Variants in ORC4 observed in about 807,000 individuals in gnomAD.
ORC4 encodes origin recognition complex subunit 4.
In ORC4, 55 loss-of-function variants were observed where a neutral mutation model predicts 63.9. The observed-to-expected ratio is 0.86, with a 90% CI of 0.69 to 1.08. The LOEUF (loss-of-function observed/expected upper bound fraction) is 1.08, where lower values mean the gene tolerates loss of function less well. Among genes scored for constraint, ORC4 ranks in the 50% least tolerant of loss-of-function variants. The probability of loss-of-function intolerance (pLI) is 0.00; values close to 1 mark genes in which losing one functional copy is unlikely to be tolerated. For synonymous variants in ORC4, 150 were observed against 168.5 expected, an observed-to-expected ratio of 0.89 and a Z score of 0.85; for missense variants, 511 against 504.4, an observed-to-expected ratio of 1.01 and a Z score of -0.13.
intron 7 of ORC4, among the ~76,000 whole-genome samples, chr2:147,953,831 T>G (rs1048776081): frequency 6.6e-6 from 1 of 152,130 alleles, no homozygotes; most frequent in Admixed American, 6.5e-5. Context: ...AAAGAAAGAC[T>G]TATTTCAACA....
chr2:147,975,942 G>A lies in ORC4; in HGVS notation c.17C>T (p.Ser6Leu). 1 of 1,589,304 alleles carries A rather than the reference G, an allele frequency of 6.3e-7. No individual in the cohort carries two copies. Among genetic ancestry groups the A allele is most frequent in the Non-Finnish European group, 8.6e-7 (1 of 1,158,708 alleles). The stretch of plus-strand genomic sequence containing the variant: ...TGTGTGAATTAAGCTGTTACTCTTT[G>A]ATTTACGACTGCTCATTTCAACAAA... Reference protein sequence around the residue: MSSRKSKSNSLIHTEC... With the variant: MSSRKLKSNSLIHTEC... The change falls in exon 2 of 14, where the codon TCA (serine) becomes TTA (leucine). Residue 6 changes from serine (S) to leucine (L), a missense_variant. Transcript: ENST00000392857.
intron 4 of ORC4, among the ~76,000 whole-genome samples, chr2:147,968,271 A>T (rs1487519109): frequency 6.6e-6 from 1 of 152,076 alleles, no homozygotes; most frequent in Non-Finnish European, 1.5e-5. Context: ...AATCACAGAC[A>T]ACATAAAAAA....
chr2:147,956,111 T>C (rs1319004087), intron 6 of ORC4, among the ~76,000 whole-genome samples: 2 of 152,088 alleles, frequency 1.3e-5, no homozygotes, highest in Non-Finnish European at 2.9e-5. Context: ...TATTAACTTT[T>C]ACTTCATTCA....
intron 13 of ORC4, among the ~76,000 whole-genome samples, 185 bp from the exon 14 acceptor site, chr2:147,935,883 A>G (rs994347494): frequency 1.3e-5 from 2 of 152,154 alleles, no homozygotes; most frequent in African/African-American, 4.8e-5. Flanking sequence ...ATTATCAGGT[A>G]AAACAGTGTC....
At chr2:147,947,852 T>G (rs1362976351) in intron 9 of ORC4, 199 bp downstream of exon 9, 4 of 480,040 alleles carry the variant, frequency 8.3e-6, no homozygotes, top group East Asian at 3.6e-5. Flanking sequence ...GATGTTCTTT[T>G]GAGATAGAAT....
intron 1 of ORC4, among the ~76,000 whole-genome samples, chr2:148,001,236 C>T (rs973679823): frequency 1.3e-5 from 2 of 152,034 alleles, no homozygotes; most frequent in Non-Finnish European, 2.9e-5. Context: ...TATGGAGAAG[C>T]AGTTAAAAAC....
intron 1 of ORC4, among the ~76,000 whole-genome samples, chr2:147,976,866 T>C (rs1011218911): frequency 5.9e-5 from 9 of 152,014 alleles, no homozygotes; most frequent in African/African-American, 2.2e-4. Context: ...AATGAATAAC[T>C]GGAATGAAAA....
In ORC4 at chr2:147,935,526, G is replaced by A. The variant is rs1688000424; in HGVS notation, c.1295C>T (p.Ser432Leu). 1.2e-6 allele frequency: 2 copies of A among 1,613,308 alleles called. No homozygotes were observed. Among genetic ancestry groups the A allele is most frequent in the East Asian group, 4.5e-5 (2 of 44,830 alleles). Residue 432 changes from serine to leucine, a missense_variant, in exon 14 of 14, where the codon TCA (serine) becomes TTA (leucine). Ser to Leu is a moderately radical substitution (Grantham distance 145). Transcript: ENST00000392857. ...PTDVRQWATSSLSWL is the reference protein window; with the variant it reads ...PTDVRQWATSLLSWL Reference sequence around the variant, plus strand: ...TGGTTATATTCATAACCAGCTTAGTGAGGATGTTGCCCACTGCCTCACATC... The same window carrying A: ...TGGTTATATTCATAACCAGCTTAGTAAGGATGTTGCCCACTGCCTCACATC...
intron 11 of ORC4, chr2:147,938,637 A>G: frequency 2.2e-6 from 1 of 457,208 alleles, no homozygotes; most frequent in South Asian, 2.4e-5. Context: ...TGTCACAAAG[A>G]TTGGCGAAAT....
intron 4 of ORC4, among the ~76,000 whole-genome samples, chr2:147,964,545 C>G (rs1247175720): frequency 6.6e-6 from 1 of 152,128 alleles, no homozygotes; most frequent in Non-Finnish European, 1.5e-5. Context: ...TAGTTGAAAA[C>G]TTCCCAGTTC....
At chr2:148,002,536 C>A (rs1692379766) in intron 1 of ORC4, among the ~76,000 whole-genome samples, 1 of 152,076 alleles carries the variant, frequency 6.6e-6, no homozygotes, top group African/African-American at 2.4e-5. Context: ...AAAATTAAGG[C>A]AGAAATAAAT....
At position 147,934,782 on chromosome 2, in the gene ORC4, T is replaced by C. The variant is rs1029404773; in HGVS notation, c.*728A>G. 1 of 152,176 alleles carries C rather than the reference T, an allele frequency of 6.6e-6. No homozygotes were observed. The highest frequency in any genetic ancestry group is 1.5e-5 in the Non-Finnish European group (1 of 68,016). 9.4% of individuals were successfully genotyped at this position (152,176 alleles called of 1,614,324 possible). The stretch of plus-strand genomic sequence containing the variant: ...ACAGTAAAAATATGGTATAATCTTA[T>C]GAGACCACCCTTTATACAATGTCAT... On this transcript the variant is annotated 3_prime_UTR_variant, in exon 14 of 14. Coordinates refer to ENST00000392857, the MANE Select transcript of ORC4 (RefSeq NM_181741.4).
At chr2:147,993,089 C>T (rs928951738) in intron 1 of ORC4, among the ~76,000 whole-genome samples, 1 of 152,148 alleles carries the variant, frequency 6.6e-6, no homozygotes, top group African/African-American at 2.4e-5. Context: ...CTGGGTTTCC[C>T]CACTCAGTAT....
In ORC4 at chr2:147,958,733, A is replaced by G. The variant is rs1689406938; in HGVS notation, c.301+58T>C. 9.4e-6 allele frequency: 8 copies of G among 851,884 alleles called. No individual in the cohort carries two copies. The East Asian group carries it at 2.0e-4, about 21-fold the overall frequency. 52.8% of individuals were successfully genotyped at this position (851,884 alleles called of 1,614,324 possible). A position where few individuals can be genotyped will look rare whatever the true frequency, so the allele number is the denominator to read the frequency against. The stretch of plus-strand genomic sequence containing the variant: ...AAAATGGATTTGAAATATACAAGTC[A>G]TATAAAAACCCCACAAAGTTTACAT... On this transcript the variant is annotated intron_variant, in intron 5 of 13. Transcript: ENST00000392857.
chr2:148,013,861 G>A (rs1483941673), intron 1 of ORC4, among the ~76,000 whole-genome samples: 2 of 152,026 alleles, frequency 1.3e-5, no homozygotes, highest in African/African-American at 2.4e-5. Flanking sequence ...TTCTGCTGAC[G>A]CCAACAAAAA....
chr2:147,947,471 A>C (rs1688723945), intron 9 of ORC4, among the ~76,000 whole-genome samples: 1 of 152,096 alleles, frequency 6.6e-6, no homozygotes, highest in African/African-American at 2.4e-5. Context: ...TATAGTCTCA[A>C]AGGTGTGGCA....
At chr2:147,970,024 C>A (rs1208162373) in intron 4 of ORC4, among the ~76,000 whole-genome samples, 1 of 151,918 alleles carries the variant, frequency 6.6e-6, no homozygotes, top group Non-Finnish European at 1.5e-5. Flanking sequence ...TTGCAGAATA[C>A]AAGCAAATAT....
rs181521139 is a variant in ORC4, at chr2:148,017,475, C to G, written c.-18+3158G>C. On this transcript the variant is annotated intron_variant, in intron 1 of 13. Transcript: ENST00000392857. ...TCACTTGAGGTCAGGAGTTTGAGACCAGCCTAGCCAAAATGGTGAAACTTT... is the reference window on the plus strand; with the variant it reads ...TCACTTGAGGTCAGGAGTTTGAGACGAGCCTAGCCAAAATGGTGAAACTTT... 2.1e-4 allele frequency among the ~76,000 whole-genome samples: 32 copies of G among 152,298 alleles called. 1 individual carries two copies. In the East Asian group the frequency reaches 6.2e-3, roughly 29 times the overall value.
At chr2:147,993,324 T>G (rs768455633) in intron 1 of ORC4, among the ~76,000 whole-genome samples, 1 of 152,076 alleles carries the variant, frequency 6.6e-6, no homozygotes, top group Admixed American at 6.6e-5. Context: ...ACAACTCCAG[T>G]AAGTTAATTA....
Sources: gnomAD v4.1 joint callset for allele counts (sites outside exome capture counted in the v4.1 genomes callset) on GRCh38, gnomAD v4.1.1 for gene constraint, MANE v1.5 for transcripts, NCBI Gene and HGNC (gene_info 2026-07-23, HGNC 2026-07-21) for gene names.